The following PREX2 variants were observed in gnomAD, a reference collection of about 807,000 sequenced individuals.
The protein encoded by PREX2 is phosphatidylinositol-3,4,5-trisphosphate dependent Rac exchange factor 2.
A neutral mutation model predicts 203.2 loss-of-function variants in PREX2; 107 were observed. The ratio of observed to expected loss-of-function variants is 0.53; its 90% confidence interval spans 0.45 to 0.62. PREX2 has a LOEUF of 0.62. PREX2 is among the 20% of genes least tolerant of loss of function. The pLI is 0.00. For synonymous variants in PREX2, 672 were observed against 663.6 expected, an observed-to-expected ratio of 1.01 and a Z score of -0.19; for missense variants, 1,777 against 1,955.9, an observed-to-expected ratio of 0.91 and a Z score of 1.72.
chr8:68,063,630 G>A (rs1189555010), intron 11 of PREX2, among the ~76,000 whole-genome samples: 1 of 152,106 alleles, frequency 6.6e-6, no homozygotes, highest in Non-Finnish European at 1.5e-5. Flanking sequence ...AAACCAGCTA[G>A]GTTTTCTTCC....
In PREX2 at chr8:68,065,871, A is replaced by G. The variant is rs559968201; in HGVS notation, c.1340-3162A>G. On this transcript the variant is annotated intron_variant, in intron 11 of 39. Coordinates refer to ENST00000288368, the MANE Select transcript of PREX2 (RefSeq NM_024870.4). ...TTAGCCTGAAAAAGAGAAAGCGTAG[A>G]GATTTAGTAGGAGATTCCCTCCCCT... Among the ~76,000 whole-genome samples the G allele has an allele frequency of 2.0e-5, 3 of 152,348 alleles. No homozygotes were observed. In the East Asian group the frequency reaches 5.8e-4, roughly 29 times the overall value.
At position 68,022,530 on chromosome 8, in the gene PREX2, A is replaced by G. The variant is rs74976536; in HGVS notation, c.441+390A>G. ...GGATATGGTAGAAAATAAGTGTAAAATTTAACATTTCTCCTACATACATTT... is the reference window on the plus strand; with the variant it reads ...GGATATGGTAGAAAATAAGTGTAAAGTTTAACATTTCTCCTACATACATTT... On this transcript the variant is annotated intron_variant, in intron 4 of 39. Coordinates refer to ENST00000288368, the MANE Select transcript of PREX2 (RefSeq NM_024870.4). 7.6e-3 allele frequency among the ~76,000 whole-genome samples: 1,150 copies of G among 152,298 alleles called. 23 individuals are homozygous for G. The highest frequency in any genetic ancestry group is 0.067 in the East Asian group (347 of 5,184).
In PREX2 at chr8:68,119,412, G is replaced by A; in HGVS notation, c.3422-20G>A. On this transcript the variant is annotated intron_variant, in intron 27 of 39. Coordinates refer to ENST00000288368, the MANE Select transcript of PREX2 (RefSeq NM_024870.4). ...ATGAGTGATTTTGGTTTTTGGTTTT[G>A]TTTTTGTTTTGACATCTAGGTGATG... is the stretch of plus-strand genomic sequence containing the variant. The A allele has an allele frequency of 6.3e-7, 1 of 1,592,452 alleles. No individual in the cohort carries two copies. The highest frequency in any genetic ancestry group is 8.6e-7 in the Non-Finnish European group (1 of 1,162,626).
At position 68,138,387 on chromosome 8, in the gene PREX2, A is replaced by G. The variant is rs548281437; in HGVS notation, c.3985-28A>G. 59 of 1,189,486 alleles carry G rather than the reference A, an allele frequency of 5.0e-5. 1 individual carries two copies. The African/African-American group carries it at 6.9e-4, about 14-fold the overall frequency. The allele number at this position is 1,189,486 out of a possible 1,614,324, so 73.7% of individuals were successfully genotyped here. A position where few individuals can be genotyped will look rare whatever the true frequency, so the allele number is the denominator to read the frequency against. On this transcript the variant is annotated intron_variant, in intron 32 of 39. Coordinates refer to ENST00000288368, the MANE Select transcript of PREX2 (RefSeq NM_024870.4). Reference sequence around the variant, plus strand: ...GTTATATTGCTTTATATCATCTTGTATTATATATTGTTTTTCTTTCTTTGT... The same window carrying G: ...GTTATATTGCTTTATATCATCTTGTGTTATATATTGTTTTTCTTTCTTTGT...
chr8:68,097,789 T>G (rs1430073316), intron 22 of PREX2, among the ~76,000 whole-genome samples: 2 of 152,256 alleles, frequency 1.3e-5, no homozygotes, highest in African/African-American at 4.8e-5. Context: ...TTGCTGTGTC[T>G]GTGAATTCAT....
intron 17 of PREX2, among the ~76,000 whole-genome samples, chr8:68,081,660 A>G (rs1460867120): frequency 6.6e-6 from 1 of 151,974 alleles, no homozygotes; most frequent in East Asian, 1.9e-4. Flanking sequence ...TGCTTTAACT[A>G]TTTTCTCATT....
chr8:68,107,716 T>C (rs1047298064), intron 23 of PREX2, among the ~76,000 whole-genome samples: 4 of 152,188 alleles, frequency 2.6e-5, no homozygotes, highest in Non-Finnish European at 5.9e-5. Flanking sequence ...TACCCTGTTT[T>C]GCCATTTTGC....
At chr8:68,065,204 T>A (rs1379425216) in intron 11 of PREX2, among the ~76,000 whole-genome samples, 1 of 152,212 alleles carries the variant, frequency 6.6e-6, no homozygotes, top group Non-Finnish European at 1.5e-5. Flanking sequence ...CCCTGTCGAA[T>A]AGGTTAGACT....
At chr8:67,997,284 G>A (rs1223043806) in intron 1 of PREX2, among the ~76,000 whole-genome samples, 1 of 151,892 alleles carries the variant, frequency 6.6e-6, no homozygotes, top group Non-Finnish European at 1.5e-5. Flanking sequence ...AACCATGGAG[G>A]AAACGTCCCA....
intron 35 of PREX2, among the ~76,000 whole-genome samples, chr8:68,160,376 G>A (rs1282441924): frequency 1.3e-5 from 2 of 152,008 alleles, no homozygotes; most frequent in Non-Finnish European, 2.9e-5. Context: ...GTTTATGTCT[G>A]TGGCCTATAA....
chr8:68,117,178 C>G (rs1407938070), intron 26 of PREX2, among the ~76,000 whole-genome samples: 1 of 152,134 alleles, frequency 6.6e-6, no homozygotes, highest in Non-Finnish European at 1.5e-5. Flanking sequence ...TTTTATCAAA[C>G]ACATGGGGGA....
At chr8:68,072,409 C>A in intron 13 of PREX2, 86 bp from the exon 14 acceptor site, 1 of 711,494 alleles carries the variant, frequency 1.4e-6, no homozygotes, top group South Asian at 1.8e-5. Context: ...CATATTGATA[C>A]TAAATGAAAA....
intron 18 of PREX2, among the ~76,000 whole-genome samples, chr8:68,083,614 T>G (rs4585743): frequency 0.24 from 37,025 of 152,098 alleles, 4,877 homozygotes; most frequent in Middle Eastern, 0.35. Flanking sequence ...AACAATGCTT[T>G]TCTTTTGCTG....
chr8:68,053,288 C>G lies in PREX2; in HGVS notation c.1093+42C>G, dbSNP rs747910909. On this transcript the variant is annotated intron_variant, in intron 9 of 39. Coordinates refer to ENST00000288368, the MANE Select transcript of PREX2 (RefSeq NM_024870.4). Reference sequence around the variant, plus strand: ...GGCGCTGTTACACTTTGTGAAGACTCTAACTTAGCATAGGAGCAGATAATG... The same window carrying G: ...GGCGCTGTTACACTTTGTGAAGACTGTAACTTAGCATAGGAGCAGATAATG... 3.1e-6 allele frequency: 5 copies of G among 1,597,826 alleles called. No individual in the cohort carries two copies. In the East Asian group the frequency reaches 6.7e-5, roughly 21 times the overall value.
Position 68,149,772 on chromosome 8 carries a change from G to T in PREX2, c.4231+3420G>T, listed in dbSNP as rs151318503. ...TAAGGCAGAATCTCTGAGAAGTGGA[G>T]CCCAAATACCAGGATATTTTAGAAG... On this transcript the variant is annotated intron_variant, in intron 34 of 39. Coordinates refer to ENST00000288368, the MANE Select transcript of PREX2 (RefSeq NM_024870.4). Among the ~76,000 whole-genome samples, 88 of 152,294 alleles carry T rather than the reference G, an allele frequency of 5.8e-4. No homozygotes were observed. In the East Asian group the frequency reaches 0.016, roughly 28 times the overall value.
At chr8:67,961,284 A>G (rs1805626358) in intron 1 of PREX2, among the ~76,000 whole-genome samples, 1 of 151,916 alleles carries the variant, frequency 6.6e-6, no homozygotes, top group South Asian at 2.1e-4. Context: ...TAAACATTTT[A>G]TTTATATTTA....
chr8:68,055,837 A>G lies in PREX2; in HGVS notation c.1101A>G (p.Lys367=). The G allele has an allele frequency of 6.2e-7, 1 of 1,610,884 alleles. No individual in the cohort carries two copies. The highest frequency in any genetic ancestry group is 8.5e-7 in the Non-Finnish European group (1 of 1,179,198). Residue 367 remains lysine, a synonymous_variant, in exon 10 of 40, where the codon AAA becomes AAG. Coordinates refer to ENST00000288368, the MANE Select transcript of PREX2 (RefSeq NM_024870.4). Reference sequence around the variant, plus strand: ...TTCTTTCATTTTTGATAGGTTTAAAATTAGGAATGGAGCAAGATACCTGGG... The same window carrying G: ...TTCTTTCATTTTTGATAGGTTTAAAGTTAGGAATGGAGCAAGATACCTGGG... ...LKERERRKGL[K]LGMEQDTWVM...
At chr8:68,031,820 A>C (rs1807891439) in intron 6 of PREX2, among the ~76,000 whole-genome samples, 1 of 152,174 alleles carries the variant, frequency 6.6e-6, no homozygotes, top group African/African-American at 2.4e-5. Flanking sequence ...GAATGGACTC[A>C]AGTTTGCTTT....
chr8:68,198,225 T>C lies in PREX2; in HGVS notation c.4604+5700T>C, dbSNP rs566212771. 4.9e-4 allele frequency among the ~76,000 whole-genome samples: 74 copies of C among 152,348 alleles called. No individual in the cohort carries two copies. In the South Asian group the frequency reaches 0.015, roughly 30 times the overall value. On this transcript the variant is annotated intron_variant, in intron 37 of 39. Coordinates refer to ENST00000288368, the MANE Select transcript of PREX2 (RefSeq NM_024870.4). Reference sequence around the variant, plus strand: ...TTGTACTTCTTTACTAGGTTTACAATTATATTTCCTTTGTTCTTTAATTTG... The same window carrying C: ...TTGTACTTCTTTACTAGGTTTACAACTATATTTCCTTTGTTCTTTAATTTG...
Sources: gnomAD v4.1 joint callset for allele counts (sites outside exome capture counted in the v4.1 genomes callset) on GRCh38, gnomAD v4.1.1 for gene constraint, MANE v1.5 for transcripts, NCBI Gene and HGNC (gene_info 2026-07-23, HGNC 2026-07-21) for gene names.